The following HNF4G variants were observed in gnomAD, a reference collection of about 807,000 sequenced individuals.
HNF4G encodes hepatocyte nuclear factor 4-gamma.
HNF4G carries 21 observed loss-of-function variants against 50.9 expected under a neutral mutation model. The ratio of observed to expected loss-of-function variants is 0.41; its 90% CI spans 0.29 to 0.59. The LOEUF (loss-of-function observed/expected upper bound fraction) is 0.59. Among genes scored for constraint, HNF4G ranks in the 20% least tolerant of loss-of-function variants. HNF4G has a pLI of 0.26. For missense variants in HNF4G, 527 were observed against 559.4 expected, an observed-to-expected ratio of 0.94 and a Z score of 0.58; for synonymous variants, 198 against 185.6, an observed-to-expected ratio of 1.07 and a Z score of -0.54.
At chr8:75,535,024 C>T (rs981978697), upstream of HNF4G, among the ~76,000 whole-genome samples, 2 of 151,568 alleles carry the variant, frequency 1.3e-5, no homozygotes, top group African/African-American at 4.8e-5. Context: ...TGAGTTAATG[C>T]GATTGCATAG....
rs182281550 is a variant in HNF4G at position 75,498,128 on chromosome 8, C to T, written c.-24+7920C>T. Among the ~76,000 whole-genome samples the T allele has an allele frequency of 1.4e-3, 209 of 152,024 alleles. 1 individual carries two copies. The highest frequency in any genetic ancestry group is 4.4e-3 in the African/African-American group (182 of 41,502). Reference sequence around the variant, plus strand: ...TATTTCAGCAACATTATATATAAATCAAATTTCTCTAAATAAATAATATTT... The same window carrying T: ...TATTTCAGCAACATTATATATAAATTAAATTTCTCTAAATAAATAATATTT... On this transcript the variant is annotated intron_variant, in intron 2 of 10. Coordinates refer to the HNF4G transcript ENST00000354370.
intron 1 of HNF4G, among the ~76,000 whole-genome samples, chr8:75,455,175 T>C (rs1405660083): frequency 6.6e-6 from 1 of 152,162 alleles, no homozygotes; most frequent in Non-Finnish European, 1.5e-5. Flanking sequence ...TTGATTTAAG[T>C]TTTTGGAGAC....
At chr8:75,523,685 A>T (rs1806105356) in intron 2 of HNF4G, among the ~76,000 whole-genome samples, 1 of 152,026 alleles carries the variant, frequency 6.6e-6, no homozygotes, top group Non-Finnish European at 1.5e-5. Flanking sequence ...AAGTAGAAAG[A>T]TGCAATGAAT....
intron 1 of HNF4G, among the ~76,000 whole-genome samples, chr8:75,442,764 A>C (rs1585846795): frequency 6.6e-6 from 1 of 152,142 alleles, no homozygotes; most frequent in East Asian, 1.9e-4. Context: ...GTTTGAATAT[A>C]GAAATTTGAT....
intron 1 of HNF4G, among the ~76,000 whole-genome samples, chr8:75,412,527 G>A (rs978703591): frequency 5.9e-5 from 9 of 152,068 alleles, no homozygotes; most frequent in African/African-American, 1.9e-4. Flanking sequence ...AAGAAATCTA[G>A]GCAGCTTTTC....
At chr8:75,409,425 TA>T (rs71567108) in intron 1 of HNF4G, among the ~76,000 whole-genome samples, 6,272 of 147,530 alleles carry the variant, frequency 0.043, 168 homozygotes, top group Non-Finnish European at 0.06. Flanking sequence ...TTGCTAAGAT[TA>T]AAAAAAAATA....
At chr8:75,415,605 T>C (rs1329182818) in intron 1 of HNF4G, among the ~76,000 whole-genome samples, 2 of 152,230 alleles carry the variant, frequency 1.3e-5, no homozygotes, top group Non-Finnish European at 2.9e-5. Flanking sequence ...TTGCAGTTTA[T>C]AGAGTGTTTT....
At chr8:75,508,908 T>A (rs947809033) in intron 2 of HNF4G, among the ~76,000 whole-genome samples, 26 of 152,316 alleles carry the variant, frequency 1.7e-4, no homozygotes, top group Middle Eastern at 6.8e-3. Context: ...TAAAGAGTTT[T>A]GAGTGAATGA....
intron 1 of HNF4G, among the ~76,000 whole-genome samples, chr8:75,479,962 T>G (rs1812336244): frequency 7.0e-6 from 1 of 143,242 alleles, no homozygotes; most frequent in Admixed American, 6.8e-5. Flanking sequence ...ATGATTTATA[T>G]AACAGGAAAA....
At chr8:75,455,016 A>G (rs575176832) in intron 1 of HNF4G, among the ~76,000 whole-genome samples, 1 of 152,310 alleles carries the variant, frequency 6.6e-6, no homozygotes, top group Admixed American at 6.5e-5. Flanking sequence ...ATAAAAATTA[A>G]GATAAAGGTT....
chr8:75,555,837 T>C (rs935546860), intron 5 of HNF4G, 145 bp from the exon 6 acceptor site: 4 of 419,334 alleles, frequency 9.5e-6, no homozygotes, highest in African/African-American at 6.2e-5. Context: ...CTGGAAGGCT[T>C]AATGATGGCA....
At chr8:75,455,096 T>C (rs200136913) in intron 1 of HNF4G, among the ~76,000 whole-genome samples, 2 of 152,146 alleles carry the variant, frequency 1.3e-5, no homozygotes, top group East Asian at 1.9e-4. Flanking sequence ...TATTATTCTA[T>C]CTCATCAAAA....
At chr8:75,521,501 T>C (rs1806041443) in intron 2 of HNF4G, among the ~76,000 whole-genome samples, 1 of 152,224 alleles carries the variant, frequency 6.6e-6, no homozygotes, top group African/African-American at 2.4e-5. Context: ...CATTTAATAA[T>C]GGTGGTCATT....
chr8:75,557,293 T>A (rs921228051), intron 6 of HNF4G, among the ~76,000 whole-genome samples: 7 of 152,342 alleles, frequency 4.6e-5, no homozygotes, highest in African/African-American at 1.7e-4. Flanking sequence ...AGTTTTACTA[T>A]GGTAATTATT....
intron 1 of HNF4G, among the ~76,000 whole-genome samples, chr8:75,459,393 T>G (rs1042783929): frequency 9.2e-5 from 14 of 152,204 alleles, no homozygotes; most frequent in African/African-American, 3.4e-4. Flanking sequence ...CTTCTCATTA[T>G]GTAGCAAAAA....
Position 75,442,349 on chromosome 8 carries a change from T to C in HNF4G, c.-144+34187T>C, listed in dbSNP as rs964890632. The stretch of plus-strand genomic sequence containing the variant: ...TAAATATTCTTTTGCATATATATTT[T>C]ATAATAAAATTACTAAAATTATAAA... On this transcript the variant is annotated intron_variant, in intron 1 of 10. Transcript: ENST00000354370. Among the ~76,000 whole-genome samples the C allele has an allele frequency of 3.6e-4, 55 of 152,186 alleles. No individual in the cohort carries two copies. The Middle Eastern group carries it at 0.014, about 38-fold the overall frequency.
At chr8:75,414,225 C>T (rs1401012313) in intron 1 of HNF4G, among the ~76,000 whole-genome samples, 5 of 152,050 alleles carry the variant, frequency 3.3e-5, no homozygotes, top group South Asian at 2.1e-4. Context: ...ATTAATGTTG[C>T]CTTTTCCAGG....
rs548125507 is a variant in HNF4G, at chr8:75,423,815, C to CTTTTTTTTTTTTTT, written c.-144+15667_-144+15680dup. On this transcript the variant is annotated intron_variant, in intron 1 of 10. Coordinates refer to the HNF4G transcript ENST00000354370. ...TTGAAACTTTCTGCCAAGTTTCTTT[C>CTTTTTTTTTTTTTT]TTTTTTTTTTTTTTTTTTTTTTTTT... Among the ~76,000 whole-genome samples the CTTTTTTTTTTTTTT allele has an allele frequency of 1.1e-4, 8 of 71,176 alleles. 1 individual carries two copies. Among genetic ancestry groups the CTTTTTTTTTTTTTT allele is most frequent in the Admixed American group, 4.7e-4 (2 of 4,300 alleles). 46.7% of individuals were successfully genotyped at this position (71,176 alleles called of 152,430 possible).
chr8:75,415,908 G>C (rs1054856340), intron 1 of HNF4G, among the ~76,000 whole-genome samples: 11 of 152,130 alleles, frequency 7.2e-5, no homozygotes, highest in African/African-American at 2.4e-4. Context: ...CTGAGCTCTG[G>C]CAGGTGGTAC....
Sources: allele counts gnomAD v4.1 joint callset (sites outside exome capture counted in the v4.1 genomes callset), GRCh38; gene constraint gnomAD v4.1.1; transcripts MANE v1.5; gene names NCBI Gene and HGNC (gene_info 2026-07-23, HGNC 2026-07-21).